MYO5C: variants seen among roughly 807,000 people sequenced by gnomAD.
MYO5C encodes the protein myosin VC, also known as unconventional myosin-Vc.
A neutral mutation model predicts 235.7 loss-of-function variants in MYO5C; 194 were observed. That is an observed-to-expected ratio of 0.82 (90% CI 0.73 to 0.93). The LOEUF (loss-of-function observed/expected upper bound fraction) is 0.93. Ranked by LOEUF, MYO5C falls within the 40% of genes least tolerant of loss-of-function variation. MYO5C has a pLI of 0.00. For synonymous variants in MYO5C, 707 were observed against 754.8 expected (o/e 0.94, Z 1.04); for missense variants, 2,038 against 2,127.2 (o/e 0.96, Z 0.82).
intron 1 of MYO5C, among the ~76,000 whole-genome samples, chr15:52,291,475 G>T (rs2037385761): frequency 6.6e-6 from 1 of 152,036 alleles, no homozygotes; most frequent in Admixed American, 6.6e-5. Context: ...ACCCATGCCT[G>T]GTGCCTTTCT....
chr15:52,204,241 T>C (rs1287498961), intron 38 of MYO5C, among the ~76,000 whole-genome samples: 1 of 151,830 alleles, frequency 6.6e-6, no homozygotes, highest in East Asian at 1.9e-4. Flanking sequence ...GTCCTGCTGC[T>C]CCCCACACCA....
intron 10 of MYO5C, among the ~76,000 whole-genome samples, chr15:52,258,252 G>C (rs531137155): frequency 6.4e-4 from 97 of 152,324 alleles, no homozygotes; most frequent in African/African-American, 2.2e-3. Context: ...CCATGCTTAT[G>C]GTTTTCAAGG....
intron 9 of MYO5C, among the ~76,000 whole-genome samples, chr15:52,263,733 T>C (rs546510906): frequency 6.6e-6 from 1 of 152,322 alleles, no homozygotes; most frequent in Admixed American, 6.5e-5. Flanking sequence ...AGTCTTTCTC[T>C]GACCACCCCA....
chr15:52,271,928 A>G (rs551734008), intron 6 of MYO5C, 84 bp from the exon 7 acceptor site: 1 of 747,952 alleles, frequency 1.3e-6, no homozygotes. Flanking sequence ...GGTCCTAGAT[A>G]TCTAATCCGC....
At chr15:52,286,999 A>G (rs2037290782) in intron 1 of MYO5C, among the ~76,000 whole-genome samples, 1 of 151,916 alleles carries the variant, frequency 6.6e-6, no homozygotes, top group Admixed American at 6.6e-5. Flanking sequence ...AAACAAACAA[A>G]CAAAGTTCAC....
chr15:52,222,235 G>C (rs1193897411), intron 29 of MYO5C, among the ~76,000 whole-genome samples: 2 of 152,186 alleles, frequency 1.3e-5, no homozygotes, highest in African/African-American at 4.8e-5. Context: ...AGGAGCATCT[G>C]TACTTGTTTG....
chr15:52,239,246 C>G (rs528223395), intron 21 of MYO5C, among the ~76,000 whole-genome samples: 16 of 152,344 alleles, frequency 1.1e-4, no homozygotes, highest in African/African-American at 3.8e-4. Context: ...CCACCACGCC[C>G]GGCCTTGGAT....
At chr15:52,223,305 GCA>G (rs1325335319) in intron 29 of MYO5C, among the ~76,000 whole-genome samples, 1 of 152,204 alleles carries the variant, frequency 6.6e-6, no homozygotes, top group Non-Finnish European at 1.5e-5. Context: ...ACACTTACGC[GCA>G]CACACAGACA....
intron 34 of MYO5C, 42 bp downstream of exon 34, chr15:52,213,146 C>G (rs1201415241): frequency 1.3e-6 from 2 of 1,520,680 alleles, no homozygotes; most frequent in East Asian, 2.3e-5. Flanking sequence ...TATGCAAGTT[C>G]TCAAAGAGAA....
Position 52,269,818 on chromosome 15 carries a change from G to A in MYO5C, c.875C>T (p.Thr292Ile). ...TCGATCATTCACACCCTCAATGACAGTATTGCCTCCCATTCTTGTATAATT... is the reference window on the plus strand; with the variant it reads ...TCGATCATTCACACCCTCAATGACAATATTGCCTCCCATTCTTGTATAATT... ...EFNYTRMGGNTVIEGVNDRAE... is the reference protein window; with the variant it reads ...EFNYTRMGGNIVIEGVNDRAE... The change falls in exon 8 of 41, where the codon ACT (threonine) becomes ATT (isoleucine). Residue 292 changes from threonine (T) to isoleucine (I), a missense_variant. Physicochemically the swap from Thr to Ile is moderately conservative, Grantham distance 89. Transcript: ENST00000261839. The A allele has an allele frequency of 8.7e-6, 14 of 1,613,538 alleles. No homozygotes were observed. Among genetic ancestry groups the A allele is most frequent in the Non-Finnish European group, 1.2e-5 (14 of 1,179,716 alleles).
chr15:52,250,735 C>G (rs145579518), intron 13 of MYO5C, among the ~76,000 whole-genome samples: 1 of 152,186 alleles, frequency 6.6e-6, no homozygotes. Context: ...GCTAGGCCAC[C>G]AAGGCAACAC....
rs780925357 is a variant in MYO5C, at chr15:52,269,853, G to A, written c.840C>T (p.Ala280=). ...SEFKHLKLGS[A]EEFNYTRMGG... ...CCATTCTTGTATAATTAAATTCTTC[G>A]GCACTCCCTGAAATCAAAAAGTAAG... Residue 280 remains alanine, a synonymous_variant, in exon 8 of 41, where the codon GCC becomes GCT. Coordinates refer to ENST00000261839, the MANE Select transcript of MYO5C (RefSeq NM_018728.4). The A allele has an allele frequency of 5.7e-5, 92 of 1,607,660 alleles. No individual in the cohort carries two copies. The highest frequency in any genetic ancestry group is 1.9e-4 in the African/African-American group (14 of 74,584).
chr15:52,227,396 A>G (rs1174011532), intron 25 of MYO5C, among the ~76,000 whole-genome samples: 3 of 146,516 alleles, frequency 2.0e-5, no homozygotes, highest in East Asian at 4.1e-4. Flanking sequence ...ATGGGGTTTC[A>G]CCGTGTTAAC....
rs529598541 is a variant in MYO5C, at chr15:52,204,109, CAATT to C, written c.4820+752_4820+755del. ...TAGTGGCTCAGGGTCCATGGTGTCT[CAATT>C]AAGAGATAGTAGACACACCTCAAAA... On this transcript the variant is annotated intron_variant, in intron 38 of 40. Transcript: ENST00000261839. 3.3e-4 allele frequency among the ~76,000 whole-genome samples: 50 copies of C among 152,230 alleles called. 1 individual carries two copies. Among genetic ancestry groups the C allele is most frequent in the Non-Finnish European group, 7.2e-4 (49 of 68,032 alleles).
chr15:52,210,052 C>G (rs758607773), intron 35 of MYO5C, among the ~76,000 whole-genome samples: 1 of 152,152 alleles, frequency 6.6e-6, no homozygotes, highest in Non-Finnish European at 1.5e-5. Flanking sequence ...CAACCTCTGC[C>G]TTCCGGGCTC....
At chr15:52,202,279 C>T (rs7181580) in intron 38 of MYO5C, among the ~76,000 whole-genome samples, 7 of 151,884 alleles carry the variant, frequency 4.6e-5, no homozygotes, top group Non-Finnish European at 1.0e-4. Context: ...CAGGAGGCTG[C>T]GGCAGAAGAA....
At chr15:52,237,850 T>C (rs1208980017) in intron 21 of MYO5C, among the ~76,000 whole-genome samples, 1 of 152,130 alleles carries the variant, frequency 6.6e-6, no homozygotes, top group Non-Finnish European at 1.5e-5. Context: ...CTTCCCAAAC[T>C]GGTGGCTATT....
At chr15:52,283,944 G>C (rs1418045523) in intron 1 of MYO5C, among the ~76,000 whole-genome samples, 1 of 151,994 alleles carries the variant, frequency 6.6e-6, no homozygotes, top group African/African-American at 2.4e-5. Flanking sequence ...CAAAGTACTG[G>C]GATTACAGGC....
chr15:52,278,994 G>C lies in MYO5C; in HGVS notation c.328C>G (p.Pro110Ala). Residue 110 changes from proline to alanine, a missense_variant, in exon 4 of 41, where the codon CCT becomes GCT. Transcript: ENST00000261839. Reference protein sequence around the residue: ...YSGIILVAMNPYKQLPIYGDA... With the variant: ...YSGIILVAMNAYKQLPIYGDA... ...CCGTATATTGGCAACTGCTTGTAAGGATTCATGGCCACCAAAATGATTCCT... is the reference window on the plus strand; with the variant it reads ...CCGTATATTGGCAACTGCTTGTAAGCATTCATGGCCACCAAAATGATTCCT... 1 of 1,613,188 alleles carries C rather than the reference G, an allele frequency of 6.2e-7. No individual in the cohort carries two copies.
Sources: allele counts gnomAD v4.1 joint callset (sites outside exome capture counted in the v4.1 genomes callset), GRCh38; gene constraint gnomAD v4.1.1; transcripts MANE v1.5; gene names NCBI Gene and HGNC (gene_info 2026-07-23, HGNC 2026-07-21).